Variants in DPP6 observed in about 807,000 individuals in gnomAD.
The protein encoded by DPP6 is A-type potassium channel modulatory protein DPP6.
A neutral mutation model predicts 122.6 loss-of-function variants in DPP6; 69 were observed. That is an observed-to-expected ratio of 0.56 (90% CI 0.46 to 0.69). The LOEUF is 0.69. Among genes scored for constraint, DPP6 ranks in the 30% least tolerant of loss-of-function variants. The probability of loss-of-function intolerance (pLI) is 0.00; values close to 1 mark genes in which losing one functional copy is unlikely to be tolerated. For synonymous variants in DPP6, 418 were observed against 433.1 expected, an observed-to-expected ratio of 0.97 and a Z score of 0.43; for missense variants, 928 against 1,116.9, an observed-to-expected ratio of 0.83 and a Z score of 2.41.
intron 19 of DPP6, among the ~76,000 whole-genome samples, chr7:154,873,504 A>G (rs1230205860): frequency 1.3e-5 from 2 of 152,164 alleles, no homozygotes; most frequent in African/African-American, 2.4e-5. Context: ...ATGCCAGTGC[A>G]ACTACCCCCT....
At chr7:154,878,953 C>T (rs934375052) in intron 20 of DPP6, among the ~76,000 whole-genome samples, 1 of 152,190 alleles carries the variant, frequency 6.6e-6, no homozygotes, top group Non-Finnish European at 1.5e-5. Flanking sequence ...TAGTTATCCC[C>T]AAAATATTGA....
At chr7:154,265,623 A>T (rs1189540064) in intron 1 of DPP6, among the ~76,000 whole-genome samples, 1 of 152,254 alleles carries the variant, frequency 6.6e-6, no homozygotes, top group African/African-American at 2.4e-5. Flanking sequence ...CATCAAAAAA[A>T]TCCTTAAATG....
chr7:153,788,413 A>T, the DPP6 span, among the ~76,000 whole-genome samples: 1 of 152,230 alleles, frequency 6.6e-6, no homozygotes, highest in African/African-American at 2.4e-5. Context: ...AGAGTTAGAT[A>T]AAAAGAATTC....
chr7:154,653,315 A>G (rs902719283), intron 6 of DPP6, among the ~76,000 whole-genome samples: 11 of 152,196 alleles, frequency 7.2e-5, no homozygotes, highest in African/African-American at 1.9e-4. Flanking sequence ...GATTGTGCCA[A>G]TCTACTCCAG....
At chr7:154,002,677 C>T (rs1240102140) in intron 1 of DPP6, among the ~76,000 whole-genome samples, 1 of 152,018 alleles carries the variant, frequency 6.6e-6, no homozygotes, top group Non-Finnish European at 1.5e-5. Context: ...TGGGGAGGAT[C>T]CTGAGGATGC....
At chr7:154,295,313 C>T (rs117740305) in intron 1 of DPP6, among the ~76,000 whole-genome samples, 333 of 152,308 alleles carry the variant, frequency 2.2e-3, no homozygotes, top group Non-Finnish European at 4.4e-3. Context: ...ATACAAATCA[C>T]TCAGACTGAG....
At chr7:154,472,264 A>C (rs1054864644) in intron 2 of DPP6, among the ~76,000 whole-genome samples, 4 of 152,268 alleles carry the variant, frequency 2.6e-5, no homozygotes, top group African/African-American at 7.2e-5. Flanking sequence ...TATCAAATAC[A>C]ATGAGAGAAT....
At chr7:154,272,902 T>C (rs760168911) in intron 1 of DPP6, among the ~76,000 whole-genome samples, 19 of 152,174 alleles carry the variant, frequency 1.2e-4, no homozygotes, top group Admixed American at 2.6e-4. Context: ...AGTTTCCTGT[T>C]GCATGGAGCT....
chr7:154,107,455 T>G (rs921973504), intron 1 of DPP6, among the ~76,000 whole-genome samples: 1 of 152,108 alleles, frequency 6.6e-6, no homozygotes, highest in African/African-American at 2.4e-5. Context: ...TACAAGGATA[T>G]AAAATTTCAT....
At chr7:154,641,373 T>C (rs375268274) in intron 6 of DPP6, among the ~76,000 whole-genome samples, 291 of 152,362 alleles carry the variant, frequency 1.9e-3, no homozygotes, top group African/African-American at 6.7e-3. Flanking sequence ...TAAAGCTAGT[T>C]ATTTTTAACA....
intron 1 of DPP6, among the ~76,000 whole-genome samples, chr7:154,326,349 C>T (rs1210460092): frequency 6.6e-6 from 1 of 151,966 alleles, no homozygotes; most frequent in Non-Finnish European, 1.5e-5. Flanking sequence ...CTTATTTATG[C>T]GGTCGAGTCT....
At chr7:154,548,151 G>T (rs1219455146) in intron 4 of DPP6, among the ~76,000 whole-genome samples, 1 of 152,200 alleles carries the variant, frequency 6.6e-6, no homozygotes, top group Admixed American at 6.5e-5. Flanking sequence ...GGAGGCTGCA[G>T]TGAGCAGAGA....
intron 7 of DPP6, among the ~76,000 whole-genome samples, chr7:154,699,752 T>A (rs11243312): frequency 0.062 from 9,416 of 152,300 alleles, 721 homozygotes; most frequent in East Asian, 0.23. Context: ...CTGGCATGAT[T>A]GCTTGTGCCA....
chr7:153,928,998 C>T lies in DPP6; in HGVS notation c.51+41264C>T, dbSNP rs191809304. On this transcript the variant is annotated intron_variant, in intron 1 of 25. Transcript: ENST00000404039. ...TTGGTGGGAGAGGTCAGAGAGAGCG[C>T]GGAGGGCCAGACCCTGGCACCTTAC... Among the ~76,000 whole-genome samples, 12 of 151,828 alleles carry T rather than the reference C, an allele frequency of 7.9e-5. 1 individual carries two copies. Among genetic ancestry groups the T allele is most frequent in the African/African-American group, 2.2e-4 (9 of 41,356 alleles).
At chr7:153,760,222 G>A in the DPP6 span, among the ~76,000 whole-genome samples, 3 of 151,930 alleles carry the variant, frequency 2.0e-5, no homozygotes, top group African/African-American at 7.3e-5. Context: ...TTTTTGTTGT[G>A]CGCAGTATCC....
chr7:154,167,120 A>C (rs968841415), intron 1 of DPP6, among the ~76,000 whole-genome samples: 48 of 151,682 alleles, frequency 3.2e-4, no homozygotes, highest in Non-Finnish European at 6.6e-4. Flanking sequence ...ACCAGCGAAC[A>C]GACCATTCGT....
At chr7:154,414,763 C>T (rs1816879287) in intron 1 of DPP6, among the ~76,000 whole-genome samples, 1 of 152,170 alleles carries the variant, frequency 6.6e-6, no homozygotes, top group East Asian at 1.9e-4. Flanking sequence ...CCTAACTGTC[C>T]CCCTTGTGTG....
chr7:154,510,361 A>C (rs1755105975), intron 3 of DPP6, among the ~76,000 whole-genome samples: 1 of 152,206 alleles, frequency 6.6e-6, no homozygotes, highest in Non-Finnish European at 1.5e-5. Context: ...GAACTTAAAA[A>C]TCATGCCAAG....
At chr7:154,117,625 A>G (rs754768572) in intron 1 of DPP6, among the ~76,000 whole-genome samples, 1 of 152,218 alleles carries the variant, frequency 6.6e-6, no homozygotes, top group Non-Finnish European at 1.5e-5. Context: ...GCTCGCCACA[A>G]TGAAACATAA....
Sources: gnomAD v4.1 joint callset for allele counts (sites outside exome capture counted in the v4.1 genomes callset) on GRCh38, gnomAD v4.1.1 for gene constraint, MANE v1.5 for transcripts, NCBI Gene and HGNC (gene_info 2026-07-23, HGNC 2026-07-21) for gene names.